The following PTCH1 variants were observed in gnomAD, a reference collection of about 807,000 sequenced individuals.
The protein encoded by PTCH1 is protein patched homolog 1.
In PTCH1, 14 loss-of-function variants were observed where a neutral mutation model predicts 144.6. That is an observed-to-expected ratio of 0.10 (90% CI 0.06 to 0.15). The LOEUF (loss-of-function observed/expected upper bound fraction) is 0.15, where lower values mean the gene tolerates loss of function less well. Ranked by LOEUF, PTCH1 falls within the 10% of genes least tolerant of loss-of-function variation. PTCH1 has a pLI of 1.00. For missense variants in PTCH1, 1,623 were observed against 1,948.3 expected (o/e 0.83, Z 3.14); for synonymous variants, 833 against 793.6 (o/e 1.05, Z -0.83).
chr9:95,459,949 A>G (rs1422898377), intron 16 of PTCH1, 166 bp from the exon 17 acceptor site: 4 of 756,528 alleles, frequency 5.3e-6, no homozygotes, highest in African/African-American at 5.2e-5. Context: ...GATTTCTTTC[A>G]ATGTGCACTT....
intron 15 of PTCH1, among the ~76,000 whole-genome samples, chr9:95,466,039 G>C (rs1303543850): frequency 6.6e-6 from 1 of 151,910 alleles, no homozygotes; most frequent in Admixed American, 6.6e-5. Context: ...GCCAATAAAG[G>C]CACTGTTATT....
At chr9:95,459,808 C>T (rs2136673708) in intron 16 of PTCH1, 25 bp from the exon 17 acceptor site, 10 of 1,612,856 alleles carry the variant, frequency 6.2e-6, no homozygotes, top group Non-Finnish European at 8.5e-6. Flanking sequence ...AGAACAGAGG[C>T]CTTTGAGAAT....
intron 17 of PTCH1, 125 bp downstream of exon 17, chr9:95,459,475 T>C: frequency 4.2e-6 from 5 of 1,202,212 alleles, no homozygotes; most frequent in Non-Finnish European, 6.1e-6. Flanking sequence ...CGAGAAGAAA[T>C]AGATTGTTCT....
rs978958561 is a variant in PTCH1 at position 95,509,102 on chromosome 9, C to T, written c.-741G>A. 2.6e-5 allele frequency among the ~76,000 whole-genome samples: 4 copies of T among 152,206 alleles called. No homozygotes were observed. Among genetic ancestry groups the T allele is most frequent in the South Asian group, 2.1e-4 (1 of 4,828 alleles). ...GCAACCCGCTGGACCATTCTGTCCC[C>T]GTGCAGCGCGCCTCTCTCGCTCCCG... is the stretch of plus-strand genomic sequence containing the variant. On this transcript the variant is annotated 5_prime_UTR_variant, in exon 1 of 24. Coordinates refer to ENST00000331920, the MANE Select transcript of PTCH1 (RefSeq NM_000264.5).
In PTCH1 at chr9:95,492,243, T is replaced by C. The variant is rs192073698; in HGVS notation, c.395-6369A>G. On this transcript the variant is annotated intron_variant, in intron 2 of 23. Transcript: ENST00000331920. ...TGTTGTTTAGCCACTGATGCAGGTA[T>C]CTGGTGATGCTATTGTGCTGCTTGG... Among the ~76,000 whole-genome samples the C allele has an allele frequency of 3.9e-5, 6 of 152,348 alleles. No homozygotes were observed. In the East Asian group the frequency reaches 1.2e-3, roughly 29 times the overall value.
chr9:95,475,760 A>G (rs1840978682), intron 12 of PTCH1, among the ~76,000 whole-genome samples: 1 of 152,182 alleles, frequency 6.6e-6, no homozygotes, highest in Admixed American at 6.5e-5. Flanking sequence ...AAAGCCATGC[A>G]TAAAGGACAT....
chr9:95,486,056 T>TA (rs1841942768), intron 2 of PTCH1, among the ~76,000 whole-genome samples, 182 bp from the exon 3 acceptor site: 1 of 152,130 alleles, frequency 6.6e-6, no homozygotes, highest in Non-Finnish European at 1.5e-5. Context: ...ATAGTAAACA[T>TA]AAAAAATACT....
At chr9:95,465,220 C>T (rs562779023) in intron 15 of PTCH1, among the ~76,000 whole-genome samples, 1 of 152,332 alleles carries the variant, frequency 6.6e-6, no homozygotes, top group African/African-American at 2.4e-5. Flanking sequence ...TTCCCAATCC[C>T]TGCCTAACAT....
Position 95,463,986 on chromosome 9 carries a change from G to A in PTCH1, c.2561-1988C>T, listed in dbSNP as rs141651466. Among the ~76,000 whole-genome samples, 81 of 152,268 alleles carry A rather than the reference G, an allele frequency of 5.3e-4. No homozygotes were observed. The East Asian group carries it at 6.9e-3, about 13-fold the overall frequency. Reference sequence around the variant, plus strand: ...AACGGGGTCCCCAAAATCTGGGGGCGGTTTTATGATATTCACACACAAAGA... The same window carrying A: ...AACGGGGTCCCCAAAATCTGGGGGCAGTTTTATGATATTCACACACAAAGA... On this transcript the variant is annotated intron_variant, in intron 15 of 23. Transcript: ENST00000331920.
intron 19 of PTCH1, among the ~76,000 whole-genome samples, chr9:95,455,341 C>T (rs1387733686): frequency 6.6e-6 from 1 of 152,200 alleles, no homozygotes; most frequent in Non-Finnish European, 1.5e-5. Flanking sequence ...CAAAGGAAAC[C>T]TGTGCTAGAG....
intron 2 of PTCH1, among the ~76,000 whole-genome samples, chr9:95,492,231 C>T (rs1346621119): frequency 1.3e-5 from 2 of 152,204 alleles, no homozygotes; most frequent in Non-Finnish European, 2.9e-5. Context: ...TGTTTAGCCA[C>T]TGATGCAGGT....
chr9:95,469,193 C>T (rs1840331251), intron 13 of PTCH1, 40 bp from the exon 14 acceptor site: 1 of 1,612,510 alleles, frequency 6.2e-7, no homozygotes, highest in Non-Finnish European at 8.5e-7. Context: ...TATGCTGAAA[C>T]AGGGAAATGG....
chr9:95,505,930 G>A (rs1489078360), intron 2 of PTCH1, among the ~76,000 whole-genome samples: 1 of 145,960 alleles, frequency 6.9e-6, no homozygotes, highest in East Asian at 2.0e-4. Context: ...CCGGGGGCGC[G>A]CACACTCCAG....
At chr9:95,482,602 G>C (rs1841638028) in intron 3 of PTCH1, 1 of 293,726 alleles carries the variant, frequency 3.4e-6, no homozygotes, top group Non-Finnish European at 6.5e-6. Flanking sequence ...CACATACTCA[G>C]GTGCGGAGAT....
At chr9:95,489,477 T>C (rs979209194) in intron 2 of PTCH1, among the ~76,000 whole-genome samples, 3 of 152,084 alleles carry the variant, frequency 2.0e-5, no homozygotes, top group African/African-American at 7.2e-5. Flanking sequence ...ATACCCCAGA[T>C]AACTCCAACT....
rs1841405475 is a variant in PTCH1, at chr9:95,480,028, G to C, written c.1008C>G (p.His336Gln). 1.2e-6 allele frequency: 2 copies of C among 1,614,068 alleles called. No individual in the cohort carries two copies. Among genetic ancestry groups the C allele is most frequent in the Non-Finnish European group, 1.7e-6 (2 of 1,180,028 alleles). The change falls in exon 7 of 24, where the codon CAC (histidine) becomes CAG (glutamine). Residue 336 changes from histidine (H) to glutamine (Q), a missense_variant. Transcript: ENST00000331920. ...CACCCACAATCAACTCCTCCTGCCA[G>C]TGCATATACTTTCTGGATAAGCCAT... ...GCHGLSRKYM[H>Q]WQEELIVGGT...
intron 16 of PTCH1, 179 bp from the exon 17 acceptor site, chr9:95,459,962 C>G: frequency 4.2e-6 from 3 of 708,020 alleles, no homozygotes; most frequent in Middle Eastern, 3.8e-4. Context: ...GTGCACTTAT[C>G]GGAGGATGCA....
intron 13 of PTCH1, among the ~76,000 whole-genome samples, chr9:95,469,476 T>TA (rs1438807292): frequency 6.6e-6 from 1 of 152,210 alleles, no homozygotes. Flanking sequence ...AAGGACTATA[T>TA]ATTTTCTAGA....
At chr9:95,483,347 G>T (rs566454754) in intron 3 of PTCH1, 1 of 141,084 alleles carries the variant, frequency 7.1e-6, no homozygotes, top group African/African-American at 2.6e-5. Context: ...GTGTTAGGGA[G>T]ATCAGTCTAA....
Sources: allele counts gnomAD v4.1 joint callset (sites outside exome capture counted in the v4.1 genomes callset), GRCh38; gene constraint gnomAD v4.1.1; transcripts MANE v1.5; gene names NCBI Gene and HGNC (gene_info 2026-07-23, HGNC 2026-07-21).